Variants in RCAN1 observed in about 807,000 individuals in gnomAD.
RCAN1 encodes regulator of calcineurin 1.
A neutral mutation model predicts 22.9 loss-of-function variants in RCAN1; 11 were observed. The ratio of observed to expected loss-of-function variants is 0.48; its 90% confidence interval spans 0.30 to 0.79. The LOEUF (loss-of-function observed/expected upper bound fraction) is 0.79. Among genes scored for constraint, RCAN1 ranks in the 30% least tolerant of loss-of-function variants. RCAN1 has a pLI of 0.06. For missense variants in RCAN1, 291 were observed against 337.8 expected (o/e 0.86, Z 1.09); for synonymous variants, 136 against 142.3 (o/e 0.96, Z 0.32).
chr21:34,591,470 G>T (rs980984816), intron 1 of RCAN1, among the ~76,000 whole-genome samples: 1 of 152,232 alleles, frequency 6.6e-6, no homozygotes, highest in African/African-American at 2.4e-5. Flanking sequence ...CCCTGGGGGG[G>T]AACACGATGT....
chr21:34,591,949 T>C (rs945840515), intron 1 of RCAN1, among the ~76,000 whole-genome samples: 2 of 152,152 alleles, frequency 1.3e-5, no homozygotes, highest in African/African-American at 2.4e-5. Context: ...CCACTGCAGA[T>C]CACATGCACA....
At chr21:34,524,155 T>C (rs1984826126) in intron 1 of RCAN1, 1 of 155,378 alleles carries the variant, frequency 6.4e-6, no homozygotes, top group African/African-American at 2.4e-5. Flanking sequence ...GAGAAAAGCC[T>C]TTCCCCTCTT....
chr21:34,569,575 T>A (rs114844788), intron 1 of RCAN1, among the ~76,000 whole-genome samples: 39 of 152,274 alleles, frequency 2.6e-4, no homozygotes, highest in African/African-American at 9.4e-4. Flanking sequence ...CTGGAGTCAC[T>A]GCCAGAGGCT....
chr21:34,566,835 C>A (rs1467390834), intron 1 of RCAN1, among the ~76,000 whole-genome samples: 2 of 152,044 alleles, frequency 1.3e-5, no homozygotes, highest in South Asian at 4.1e-4. Flanking sequence ...AGAGAAAGAG[C>A]GAGAGAGGAG....
chr21:34,578,029 G>T (rs1218606384), intron 1 of RCAN1, among the ~76,000 whole-genome samples: 1 of 152,210 alleles, frequency 6.6e-6, no homozygotes, highest in Non-Finnish European at 1.5e-5. Context: ...CTGCAGAGGG[G>T]TGTGGACTGT....
At chr21:34,591,538 T>G (rs913906508) in intron 1 of RCAN1, among the ~76,000 whole-genome samples, 2 of 152,114 alleles carry the variant, frequency 1.3e-5, no homozygotes, top group Non-Finnish European at 2.9e-5. Flanking sequence ...AGGGACACCT[T>G]CTATCCTGTG....
At chr21:34,609,934 C>A (rs1303664031) in intron 1 of RCAN1, among the ~76,000 whole-genome samples, 2 of 152,192 alleles carry the variant, frequency 1.3e-5, no homozygotes, top group Non-Finnish European at 2.9e-5. Flanking sequence ...CATTCTGAAC[C>A]TTCCCAAATA....
At chr21:34,560,544 G>T (rs998620380) in intron 1 of RCAN1, among the ~76,000 whole-genome samples, 1 of 152,132 alleles carries the variant, frequency 6.6e-6, no homozygotes, top group Non-Finnish European at 1.5e-5. Context: ...CCATTTCCTG[G>T]AAAACTTTAC....
intron 1 of RCAN1, among the ~76,000 whole-genome samples, chr21:34,613,344 T>C (rs1031367699): frequency 6.6e-6 from 1 of 152,256 alleles, no homozygotes; most frequent in Non-Finnish European, 1.5e-5. Context: ...ATGTCAACCC[T>C]GGAGGCAGAA....
intron 1 of RCAN1, among the ~76,000 whole-genome samples, chr21:34,552,427 G>A (rs1300557768): frequency 2.0e-5 from 3 of 152,186 alleles, no homozygotes; most frequent in Non-Finnish European, 4.4e-5. Flanking sequence ...GATACTATGC[G>A]ATGTTAAGTT....
chr21:34,521,840 G>C, intron 2 of RCAN1, 182 bp from the exon 3 acceptor site: 1 of 584,598 alleles, frequency 1.7e-6, no homozygotes, highest in Non-Finnish European at 3.0e-6. Flanking sequence ...TATGAACTCT[G>C]GTTGTGGCAC....
At chr21:34,589,885 C>T (rs2123709474) in intron 1 of RCAN1, among the ~76,000 whole-genome samples, 1 of 152,302 alleles carries the variant, frequency 6.6e-6, no homozygotes, top group East Asian at 1.9e-4. Context: ...TTCTCAGCCT[C>T]CATAATTATG....
intron 1 of RCAN1, among the ~76,000 whole-genome samples, chr21:34,586,081 T>C (rs1437540435): frequency 6.6e-6 from 1 of 152,076 alleles, no homozygotes; most frequent in Admixed American, 6.5e-5. Flanking sequence ...AATCAGCAAA[T>C]CCAAATCATG....
At chr21:34,588,120 C>T (rs920824292) in intron 1 of RCAN1, among the ~76,000 whole-genome samples, 1 of 152,198 alleles carries the variant, frequency 6.6e-6, no homozygotes, top group African/African-American at 2.4e-5. Context: ...CATATACATC[C>T]TATTGGTTCT....
intron 1 of RCAN1, among the ~76,000 whole-genome samples, chr21:34,556,431 A>ATAATAATAATAATAG (rs1986577612): frequency 1.6e-5 from 1 of 61,046 alleles, no homozygotes; most frequent in Non-Finnish European, 3.5e-5. Flanking sequence ...GTCTCAAAAA[A>ATAATAATAATAATAG]TAATAATAAT....
intron 2 of RCAN1, 82 bp downstream of exon 2, chr21:34,523,455 T>C (rs1000685090): frequency 1.6e-5 from 23 of 1,394,870 alleles, no homozygotes; most frequent in Non-Finnish European, 2.2e-5. Flanking sequence ...GGTCAGCATA[T>C]AACATAAGCA....
rs1985777990 is a variant in RCAN1, at chr21:34,538,518, G to A, written c.253-14808C>T. 1.3e-5 allele frequency among the ~76,000 whole-genome samples: 2 copies of A among 152,184 alleles called. 1 individual carries two copies. The highest frequency in any genetic ancestry group is 4.1e-4 in the South Asian group (2 of 4,824). On this transcript the variant is annotated intron_variant, in intron 1 of 3. Transcript: ENST00000313806. ...ATTCCCCATCCACTCCCCGCCATGGGTACTGGCCGCTTCCAGACTCTAAGA... is the reference window on the plus strand; with the variant it reads ...ATTCCCCATCCACTCCCCGCCATGGATACTGGCCGCTTCCAGACTCTAAGA...
At chr21:34,546,039 C>A (rs1986122085) in intron 1 of RCAN1, among the ~76,000 whole-genome samples, 1 of 152,184 alleles carries the variant, frequency 6.6e-6, no homozygotes, top group Non-Finnish European at 1.5e-5. Context: ...GAAAAACGCT[C>A]ATAGAAATGT....
intron 1 of RCAN1, among the ~76,000 whole-genome samples, chr21:34,579,107 T>C (rs948557868): frequency 2.0e-5 from 3 of 152,168 alleles, no homozygotes; most frequent in African/African-American, 7.2e-5. Context: ...AAAAATGCGA[T>C]GTTATGGCCG....
Sources: allele counts gnomAD v4.1 joint callset (sites outside exome capture counted in the v4.1 genomes callset), GRCh38; gene constraint gnomAD v4.1.1; transcripts MANE v1.5; gene names NCBI Gene and HGNC (gene_info 2026-07-23, HGNC 2026-07-21).